The following CERS4 variants were observed in gnomAD, a reference collection of about 807,000 sequenced individuals.
CERS4 encodes ceramide synthase 4.
CERS4 carries 65 observed loss-of-function variants against 51.8 expected under a neutral mutation model. The ratio of observed to expected loss-of-function variants is 1.26; its 90% confidence interval spans 1.03 to 1.54. The LOEUF (loss-of-function observed/expected upper bound fraction) is 1.54. CERS4 is among the 40% of genes most tolerant of loss of function. CERS4 has a pLI of 0.00. For missense variants in CERS4, 563 were observed against 500.4 expected (o/e 1.13, Z -1.19); for synonymous variants, 228 against 208.4 (o/e 1.09, Z -0.81).
intron 2 of CERS4, chr19:8,239,439 T>C (rs989082279): frequency 1.3e-5 from 2 of 151,890 alleles, no homozygotes; most frequent in Non-Finnish European, 2.9e-5. Context: ...AATTGCATGA[T>C]TAGCTTCTAG....
In CERS4 at chr19:8,256,622, T is replaced by G. The variant is rs934964471; in HGVS notation, c.524T>G (p.Leu175Arg). 4.3e-6 allele frequency: 7 copies of G among 1,611,808 alleles called. No homozygotes were observed. The Admixed American group carries it at 8.4e-5, about 19-fold the overall frequency. ...MCWDRYPNQTLKPSLYWWYLL... is the reference protein window; with the variant it reads ...MCWDRYPNQTRKPSLYWWYLL... Reference sequence around the variant, plus strand: ...CCTTGTCCTGTCCTGCTGCAGACTCTGAAGCCATCCCTGTACTGGTGGTAC... The same window carrying G: ...CCTTGTCCTGTCCTGCTGCAGACTCGGAAGCCATCCCTGTACTGGTGGTAC... Residue 175 changes from leucine to arginine, a missense_variant, in exon 8 of 12, where the codon CTG (leucine) becomes CGG (arginine). Leu to Arg is a moderately radical substitution (Grantham distance 102). Transcript: ENST00000251363.
At chr19:8,221,894 T>TTTTTTTTTTTTTTTTTG (rs1967575482) in intron 2 of CERS4, among the ~76,000 whole-genome samples, 1 of 128,208 alleles carries the variant, frequency 7.8e-6, no homozygotes, top group Non-Finnish European at 1.7e-5. Flanking sequence ...TTTTTTTTTT[T>TTTTTTTTTTTTTTTTTG]TTTTTGAGAC....
In CERS4 at chr19:8,257,994, G is replaced by A. The variant is rs1470870268; in HGVS notation, c.848+9G>A. ...GTCCTCTTTCCCACCCAGTGAGTCAGCCCTCCCATGGGGGTCAGGGAGGTG... is the reference window on the plus strand; with the variant it reads ...GTCCTCTTTCCCACCCAGTGAGTCAACCCTCCCATGGGGGTCAGGGAGGTG... On this transcript the variant is annotated intron_variant, in intron 10 of 11. Coordinates refer to ENST00000251363, the MANE Select transcript of CERS4 (RefSeq NM_024552.3). The A allele has an allele frequency of 2.5e-6, 4 of 1,604,978 alleles. No homozygotes were observed. The highest frequency in any genetic ancestry group is 3.4e-6 in the Non-Finnish European group (4 of 1,172,276).
At chr19:8,239,907 TCAAA>T (rs1968452146) in intron 2 of CERS4, among the ~76,000 whole-genome samples, 1 of 152,170 alleles carries the variant, frequency 6.6e-6, no homozygotes, top group Non-Finnish European at 1.5e-5. Flanking sequence ...CAGCAGTGAC[TCAAA>T]CAACATTCTT....
At chr19:8,236,203 C>CA (rs1215789839) in intron 2 of CERS4, among the ~76,000 whole-genome samples, 1 of 151,796 alleles carries the variant, frequency 6.6e-6, no homozygotes, top group Non-Finnish European at 1.5e-5. Flanking sequence ...TCAAAACAAA[C>CA]AAAAAAATGC....
rs564898359 is a variant in CERS4, at chr19:8,245,689, A to G, written c.-1-5387A>G. Among the ~76,000 whole-genome samples, 297 of 151,594 alleles carry G rather than the reference A, an allele frequency of 2.0e-3. 1 individual carries two copies. Among genetic ancestry groups the G allele is most frequent in the African/African-American group, 6.8e-3 (282 of 41,378 alleles). ...TGAGTAGCTGGGATTACAGGTGCCCACCACCACCCCTGGCTAATTTTTGTA... is the reference window on the plus strand; with the variant it reads ...TGAGTAGCTGGGATTACAGGTGCCCGCCACCACCCCTGGCTAATTTTTGTA... On this transcript the variant is annotated intron_variant, in intron 2 of 11. Transcript: ENST00000251363.
At chr19:8,246,918 C>T (rs1968813501) in intron 2 of CERS4, among the ~76,000 whole-genome samples, 1 of 152,128 alleles carries the variant, frequency 6.6e-6, no homozygotes, top group South Asian at 2.1e-4. Flanking sequence ...ATAATCCCAG[C>T]ACTTTGGGAG....
At chr19:8,240,379 G>C (rs1373115519) in intron 2 of CERS4, 2 of 152,284 alleles carry the variant, frequency 1.3e-5, no homozygotes, top group East Asian at 3.9e-4. Flanking sequence ...TGGGACCTCT[G>C]CTCAGAGAGG....
rs1967061070 is a variant in CERS4 at position 8,210,950 on chromosome 19, C to T, written c.-2+88C>T. On this transcript the variant is annotated intron_variant, in intron 2 of 11. Coordinates refer to ENST00000251363, the MANE Select transcript of CERS4 (RefSeq NM_024552.3). The surrounding 1 kb of genome is among the most constrained non-coding windows in gnomAD (Gnocchi z 4.2). ...CCCCCAGGGAAAGGTTTCTGAGCTT[C>T]AGTTTACCCATCTGTAAAATGGGTC... 6.6e-6 allele frequency: 1 copy of T among 151,906 alleles called. No homozygotes were observed. Among genetic ancestry groups the T allele is most frequent in the South Asian group, 2.1e-4 (1 of 4,830 alleles). 9.4% of individuals were successfully genotyped at this position (151,906 alleles called of 1,614,324 possible). A position where few individuals can be genotyped will look rare whatever the true frequency, so the allele number is the denominator to read the frequency against.
intron 10 of CERS4, among the ~76,000 whole-genome samples, chr19:8,260,518 T>C (rs376458719): frequency 6.9e-4 from 88 of 127,930 alleles, no homozygotes; most frequent in African/African-American, 2.6e-3. Flanking sequence ...GCCAGTACTT[T>C]CAAGGAGTTC....
chr19:8,216,255 T>C (rs1012004134), intron 2 of CERS4, among the ~76,000 whole-genome samples: 2 of 151,568 alleles, frequency 1.3e-5, no homozygotes, highest in African/African-American at 4.9e-5. Flanking sequence ...GGTGGGCGCC[T>C]GTAATCCCAG....
chr19:8,216,378 T>TG (rs989695263), intron 2 of CERS4, among the ~76,000 whole-genome samples: 3 of 144,820 alleles, frequency 2.1e-5, no homozygotes, highest in Non-Finnish European at 4.5e-5. Flanking sequence ...GATTTTGTCT[T>TG]GGAAAAAAAA....
rs1969447319 is a variant in CERS4 at position 8,257,310 on chromosome 19, C to T, written c.741+233C>T. 6 of 536,562 alleles carry T rather than the reference C, an allele frequency of 1.1e-5. No homozygotes were observed. In the South Asian group the frequency reaches 1.3e-4, roughly 12 times the overall value. The allele number at this position is 536,562 out of a possible 1,614,324, so 33.2% of individuals were successfully genotyped here. A position where few individuals can be genotyped will look rare whatever the true frequency, so the allele number is the denominator to read the frequency against. ...CTTCTTGGCTTCCTTGGGCAGAGGC[C>T]CCCGCCTTCTCAGCTTCCTTGGGAG... is the stretch of plus-strand genomic sequence containing the variant. On this transcript the variant is annotated intron_variant, in intron 9 of 11. Coordinates refer to ENST00000251363, the MANE Select transcript of CERS4 (RefSeq NM_024552.3).
At chr19:8,215,513 G>A (rs1019898363) in intron 2 of CERS4, among the ~76,000 whole-genome samples, 3 of 151,564 alleles carry the variant, frequency 2.0e-5, no homozygotes, top group Admixed American at 1.3e-4. Flanking sequence ...CAGCGGGTGT[G>A]TCTGGGGGAT....
intron 2 of CERS4, among the ~76,000 whole-genome samples, chr19:8,222,440 G>A (rs1967605715): frequency 6.6e-6 from 1 of 151,626 alleles, no homozygotes; most frequent in African/African-American, 2.4e-5. Context: ...CAGCCTCCGA[G>A]AAGTGCTGGG....
In CERS4 at chr19:8,251,173, TACCCCCACCCCCAGGACTTGTTGGC is replaced by T; in HGVS notation, c.99_123del (p.Tyr33Ter). The T allele has an allele frequency of 6.2e-7, 1 of 1,613,684 alleles. No individual in the cohort carries two copies. Among genetic ancestry groups the T allele is most frequent in the Non-Finnish European group, 8.5e-7 (1 of 1,179,830 alleles). Reference sequence around the variant, plus strand: ...GCTAGAAGACCGGGATGGCCGTGTCTACCCCCACCCCCAGGACTTGTTGGCAGCCCTGCCCCTGGCGCTGGTCCTC... The same window carrying T: ...GCTAGAAGACCGGGATGGCCGTGTCTAGCCCTGCCCCTGGCGCTGGTCCTC... On this transcript the variant is annotated frameshift_variant, in exon 3 of 12. Transcript: ENST00000251363. LOFTEE classifies it high-confidence loss of function.
chr19:8,244,596 C>T (rs931888064), intron 2 of CERS4, among the ~76,000 whole-genome samples: 13 of 152,138 alleles, frequency 8.5e-5, no homozygotes, highest in African/African-American at 2.7e-4. Context: ...TTATCTCTAC[C>T]TTATCTCAAC....
intron 2 of CERS4, among the ~76,000 whole-genome samples, chr19:8,236,694 A>G (rs1487669556): frequency 5.1e-5 from 6 of 117,490 alleles, no homozygotes; most frequent in African/African-American, 1.8e-4. Context: ...AAAAAAAAAA[A>G]AAAAAAAGAA....
intron 2 of CERS4, among the ~76,000 whole-genome samples, chr19:8,228,540 G>T (rs1343664824): frequency 1.3e-5 from 2 of 152,008 alleles, no homozygotes; most frequent in Admixed American, 6.6e-5. Flanking sequence ...GCTGGGTGTG[G>T]TGTAGGTGCC....
Sources: gnomAD v4.1 joint callset for allele counts (sites outside exome capture counted in the v4.1 genomes callset) on GRCh38, gnomAD v4.1.1 for gene constraint, Gnocchi (gnomAD v3.1) non-coding constraint, MANE v1.5 for transcripts, NCBI Gene and HGNC (gene_info 2026-07-23, HGNC 2026-07-21) for gene names.